C14orf39: variants seen among roughly 807,000 people sequenced by gnomAD.
C14orf39 encodes the protein protein SIX6OS1.
C14orf39 carries 66 observed loss-of-function variants against 85.6 expected under a neutral mutation model. The ratio of observed to expected loss-of-function variants is 0.77; its 90% CI spans 0.63 to 0.95. The LOEUF (loss-of-function observed/expected upper bound fraction) is 0.95. Ranked by LOEUF, C14orf39 falls within the 40% of genes least tolerant of loss-of-function variation. The pLI is 0.00. For missense variants in C14orf39, 735 were observed against 663.9 expected, an observed-to-expected ratio of 1.11 and a Z score of -1.18; for synonymous variants, 242 against 214.0, an observed-to-expected ratio of 1.13 and a Z score of -1.14.
chr14:60,469,358 AAATT>A (rs1891956264), intron 8 of C14orf39, among the ~76,000 whole-genome samples, 171 bp downstream of exon 8: 3 of 148,502 alleles, frequency 2.0e-5, no homozygotes, highest in South Asian at 2.1e-4. Flanking sequence ...TAAAAAATAT[AAATT>A]AATATATTCA....
rs749431573 is a variant in C14orf39, at chr14:60,461,406, T to C, written c.1065A>G (p.Leu355=). The change falls in exon 13 of 18, where the codon TTA becomes TTG. Residue 355 remains leucine, a synonymous_variant. Coordinates refer to ENST00000321731, the MANE Select transcript of C14orf39 (RefSeq NM_174978.3). ...SSQKFMQVRL[L]TPQKQSNSNQ... is the part of the protein sequence containing the mutation. Reference sequence around the variant, plus strand: ...TGGAATTTGATTGTTTCTGTGGGGTTAACAATCTAAAATGGAATAAATATA... The same window carrying C: ...TGGAATTTGATTGTTTCTGTGGGGTCAACAATCTAAAATGGAATAAATATA... 2 of 1,608,574 alleles carry C rather than the reference T, an allele frequency of 1.2e-6. No individual in the cohort carries two copies. Among genetic ancestry groups the C allele is most frequent in the Admixed American group, 1.7e-5 (1 of 59,790 alleles).
intron 2 of C14orf39, among the ~76,000 whole-genome samples, chr14:60,498,040 T>C (rs906366972): frequency 6.6e-6 from 1 of 152,240 alleles, no homozygotes; most frequent in African/African-American, 2.4e-5. Flanking sequence ...TGTCACTGTA[T>C]ATGCCACTTG....
intron 13 of C14orf39, among the ~76,000 whole-genome samples, chr14:60,459,270 C>T (rs776178754): frequency 1.3e-5 from 2 of 151,730 alleles, no homozygotes; most frequent in African/African-American, 4.8e-5. Context: ...CACAATACAT[C>T]TATCCATTCT....
chr14:60,491,508 T>A lies in C14orf39; in HGVS notation c.-8-6422A>T, dbSNP rs1892987929. Among the ~76,000 whole-genome samples the A allele has an allele frequency of 6.6e-6, 1 of 152,140 alleles. No homozygotes were observed. Among genetic ancestry groups the A allele is most frequent in the Non-Finnish European group, 1.5e-5 (1 of 68,024 alleles). On this transcript the variant is annotated intron_variant, in intron 2 of 5. Coordinates refer to the C14orf39 transcript ENST00000556799. The surrounding 1 kb of genome is among the most constrained non-coding windows in gnomAD (Gnocchi z 4.5). ...TGTATTTCCCCCACTAATGCTGACC[T>A]CCTTCATCCTTTTCATTAATGAGAC...
At chr14:60,450,213 C>T (rs1890968985) in intron 16 of C14orf39, among the ~76,000 whole-genome samples, 1 of 152,180 alleles carries the variant, frequency 6.6e-6, no homozygotes, top group Non-Finnish European at 1.5e-5. Flanking sequence ...GTAGAACAAG[C>T]ATGATCTTGG....
rs558482035 is a variant in C14orf39, at chr14:60,510,587, T to A, written c.-144+4808A>T. Among the ~76,000 whole-genome samples, 20 of 152,246 alleles carry A rather than the reference T, an allele frequency of 1.3e-4. No individual in the cohort carries two copies. The South Asian group carries it at 4.1e-3, about 32-fold the overall frequency. ...AAACATTTTGCGGAAGAGCCCGGCCTCATCCCCCAGGCCCAAATGCTCCTT... is the reference window on the plus strand; with the variant it reads ...AAACATTTTGCGGAAGAGCCCGGCCACATCCCCCAGGCCCAAATGCTCCTT... On this transcript the variant is annotated intron_variant, in intron 1 of 5. Coordinates refer to the C14orf39 transcript ENST00000556799.
chr14:60,457,115 G>GA lies in C14orf39; in HGVS notation c.1180-21dup. 6.7e-7 allele frequency: 1 copy of GA among 1,486,180 alleles called. No individual in the cohort carries two copies. The highest frequency in any genetic ancestry group is 1.3e-5 in the South Asian group (1 of 76,192). The allele number at this position is 1,486,180 out of a possible 1,614,324, so 92.1% of individuals were successfully genotyped here. The stretch of plus-strand genomic sequence containing the variant: ...TATAGCCTGCAAATTCAAAGTAACA[G>GA]AAAACTATAAAACAAATGCTGCTGC... On this transcript the variant is annotated intron_variant, in intron 14 of 17. Coordinates refer to ENST00000321731, the MANE Select transcript of C14orf39 (RefSeq NM_174978.3).
At chr14:60,510,812 G>A (rs977939522) in intron 1 of C14orf39, among the ~76,000 whole-genome samples, 3 of 152,230 alleles carry the variant, frequency 2.0e-5, no homozygotes, top group Non-Finnish European at 2.9e-5. Flanking sequence ...AAACAGGGAG[G>A]ACACTGCAAG....
At chr14:60,454,467 T>A (rs540720946) in intron 16 of C14orf39, among the ~76,000 whole-genome samples, 75 of 152,010 alleles carry the variant, frequency 4.9e-4, no homozygotes, top group African/African-American at 1.8e-3. Flanking sequence ...GGCTTCAGAG[T>A]CTAGTTTTAA....
chr14:60,443,569 T>A (rs1187908153), intron 16 of C14orf39, among the ~76,000 whole-genome samples: 1 of 152,228 alleles, frequency 6.6e-6, no homozygotes, highest in Non-Finnish European at 1.5e-5. Flanking sequence ...CTACTGCCTC[T>A]ATAGACTCAA....
intron 16 of C14orf39, among the ~76,000 whole-genome samples, chr14:60,446,510 A>G (rs1890773197): frequency 6.6e-6 from 1 of 152,208 alleles, no homozygotes; most frequent in African/African-American, 2.4e-5. Context: ...AAGAAGTTGA[A>G]TCTCTGAATA....
chr14:60,448,178 C>T (rs1890866152), intron 16 of C14orf39, among the ~76,000 whole-genome samples: 2 of 152,042 alleles, frequency 1.3e-5, no homozygotes, highest in African/African-American at 4.8e-5. Flanking sequence ...GCAACAAAAG[C>T]CAAAATAGAC....
chr14:60,462,398 A>G (rs1891574133), intron 11 of C14orf39, among the ~76,000 whole-genome samples: 1 of 152,128 alleles, frequency 6.6e-6, no homozygotes, highest in Non-Finnish European at 1.5e-5. Flanking sequence ...CTCAAAAACA[A>G]ATTGTTTAAT....
chr14:60,510,712 G>A (rs1893277586), intron 1 of C14orf39, among the ~76,000 whole-genome samples: 1 of 152,162 alleles, frequency 6.6e-6, no homozygotes, highest in South Asian at 2.1e-4. Context: ...GTTAGAAATG[G>A]TATCCCATGT....
intron 5 of C14orf39, among the ~76,000 whole-genome samples, chr14:60,473,213 G>C (rs1264580802): frequency 6.6e-6 from 1 of 152,160 alleles, no homozygotes; most frequent in Admixed American, 6.5e-5. Context: ...CTTTTGAGAA[G>C]TGTCTGTTCA....
At chr14:60,443,404 G>A (rs1890615764) in intron 16 of C14orf39, among the ~76,000 whole-genome samples, 1 of 152,178 alleles carries the variant, frequency 6.6e-6, no homozygotes, top group South Asian at 2.1e-4. Context: ...CCATGCCCAA[G>A]GAGCCTTGCT....
At chr14:60,468,620 A>G in intron 8 of C14orf39, 84 bp from the exon 9 acceptor site, 1 of 681,588 alleles carries the variant, frequency 1.5e-6, no homozygotes, top group South Asian at 3.0e-5. Flanking sequence ...TGTTTTTTCT[A>G]TATAATCATA....
chr14:60,470,376 T>C (rs778526745), intron 7 of C14orf39, among the ~76,000 whole-genome samples: 14 of 151,968 alleles, frequency 9.2e-5, no homozygotes, highest in Non-Finnish European at 1.3e-4. Flanking sequence ...GCTTTCCTAT[T>C]CTGCCTTAAA....
rs1893344435 is a variant in C14orf39 at position 60,515,032 on chromosome 14, AG to A, written c.-144+362del. The A allele has an allele frequency of 6.6e-6, 1 of 151,746 alleles. No individual in the cohort carries two copies. Among genetic ancestry groups the A allele is most frequent in the Non-Finnish European group, 1.5e-5 (1 of 68,218 alleles). 9.4% of individuals were successfully genotyped at this position (151,746 alleles called of 1,614,324 possible). ...CTAATAGGTTTGCCTGTGAGCTGCG[AG>A]GGGGCGGTGTCGGGGAGGAGGCGGC... is the stretch of plus-strand genomic sequence containing the variant. On this transcript the variant is annotated intron_variant, in intron 1 of 5. Coordinates refer to the C14orf39 transcript ENST00000556799. The surrounding 1 kb of genome is among the most constrained non-coding windows in gnomAD (Gnocchi z 6.2).
Sources: allele counts gnomAD v4.1 joint callset (sites outside exome capture counted in the v4.1 genomes callset), GRCh38; gene constraint gnomAD v4.1.1; non-coding constraint Gnocchi (gnomAD v3.1); transcripts MANE v1.5; gene names NCBI Gene and HGNC (gene_info 2026-07-23, HGNC 2026-07-21).